NEK11: variants seen among roughly 807,000 people sequenced by gnomAD.
NEK11 encodes the protein serine/threonine-protein kinase Nek11.
A neutral mutation model predicts 80.7 loss-of-function variants in NEK11; 72 were observed. The ratio of observed to expected loss-of-function variants is 0.89; its 90% confidence interval spans 0.74 to 1.08. The LOEUF (loss-of-function observed/expected upper bound fraction) is 1.08, where lower values mean the gene tolerates loss of function less well. Ranked by LOEUF, NEK11 falls within the 50% of genes least tolerant of loss-of-function variation. The probability of loss-of-function intolerance (pLI) is 0.00; values close to 1 mark genes in which losing one functional copy is unlikely to be tolerated. For missense variants in NEK11, 764 were observed against 763.6 expected, an observed-to-expected ratio of 1.00 and a Z score of -0.01; for synonymous variants, 251 against 260.7, an observed-to-expected ratio of 0.96 and a Z score of 0.36.
At chr3:131,062,459 A>G (rs2071058273) in intron 3 of NEK11, among the ~76,000 whole-genome samples, 1 of 152,162 alleles carries the variant, frequency 6.6e-6, no homozygotes, top group African/African-American at 2.4e-5. Flanking sequence ...AATAAAAGAT[A>G]CCCATTTGAA....
intron 17 of NEK11, among the ~76,000 whole-genome samples, chr3:131,348,457 T>C (rs2097399945): frequency 1.3e-5 from 2 of 151,854 alleles, no homozygotes; most frequent in South Asian, 2.1e-4. Flanking sequence ...TGATAAAAGA[T>C]AGGGGAGGTA....
At chr3:131,229,324 G>A (rs536715376) in intron 15 of NEK11, among the ~76,000 whole-genome samples, 1 of 152,268 alleles carries the variant, frequency 6.6e-6, no homozygotes, top group African/African-American at 2.4e-5. Flanking sequence ...TGCTTTCAGT[G>A]TTGAGTGTCT....
intron 3 of NEK11, chr3:131,072,332 G>A (rs539553616): frequency 2.0e-5 from 3 of 152,192 alleles, no homozygotes; most frequent in African/African-American, 7.2e-5. Context: ...TGCAGAGGTG[G>A]ATTAAAGAAG....
At chr3:131,319,036 C>T (rs1189502742) in intron 17 of NEK11, among the ~76,000 whole-genome samples, 1 of 151,772 alleles carries the variant, frequency 6.6e-6, no homozygotes, top group Non-Finnish European at 1.5e-5. Flanking sequence ...TTTTATAACT[C>T]ATATATAATG....
chr3:131,164,532 G>A (rs1052210640), intron 11 of NEK11, among the ~76,000 whole-genome samples: 14 of 152,092 alleles, frequency 9.2e-5, no homozygotes, highest in African/African-American at 3.4e-4. Flanking sequence ...GGGGGTAAAA[G>A]GAAAATTAAA....
At chr3:131,136,855 A>G (rs2085686276) in intron 7 of NEK11, among the ~76,000 whole-genome samples, 1 of 152,238 alleles carries the variant, frequency 6.6e-6, no homozygotes, top group South Asian at 2.1e-4. Flanking sequence ...AGGCCAGCTC[A>G]TTAAATTGAT....
intron 17 of NEK11, among the ~76,000 whole-genome samples, chr3:131,317,224 A>C (rs550394158): frequency 8.1e-4 from 123 of 152,308 alleles, no homozygotes; most frequent in African/African-American, 2.9e-3. Flanking sequence ...TATTATGTGA[A>C]TCAAGGAAAT....
chr3:131,307,394 C>A (rs980356328), intron 17 of NEK11, among the ~76,000 whole-genome samples: 1 of 152,138 alleles, frequency 6.6e-6, no homozygotes, highest in Non-Finnish European at 1.5e-5. Flanking sequence ...TATTTGTTCC[C>A]GAACTCTTTG....
chr3:131,202,934 T>C (rs1246663300), intron 14 of NEK11, among the ~76,000 whole-genome samples: 1 of 152,040 alleles, frequency 6.6e-6, no homozygotes, highest in Non-Finnish European at 1.5e-5. Context: ...AAACAACAGG[T>C]GCTGGAGAGG....
chr3:131,071,432 A>G (rs1156854932), intron 3 of NEK11, among the ~76,000 whole-genome samples: 3 of 151,342 alleles, frequency 2.0e-5, no homozygotes, highest in East Asian at 3.9e-4. Context: ...AAATCTTTAT[A>G]TTTTTTGATT....
intron 17 of NEK11, among the ~76,000 whole-genome samples, chr3:131,335,797 A>C (rs919370505): frequency 1.3e-5 from 2 of 152,254 alleles, no homozygotes; most frequent in Admixed American, 1.3e-4. Context: ...AATGTGCAAA[A>C]ATCACAAGCA....
rs116371843 is a variant in NEK11 at position 131,099,521 on chromosome 3, G to T, written c.337-10282G>T. Among the ~76,000 whole-genome samples the T allele has an allele frequency of 5.3e-3, 805 of 152,114 alleles. 7 individuals carry two copies. Among genetic ancestry groups the T allele is most frequent in the African/African-American group, 0.018 (749 of 41,532 alleles). On this transcript the variant is annotated intron_variant, in intron 4 of 17. Transcript: ENST00000383366. ...CTGTGAAGAATGATGCTGGTAGTTT[G>T]ATAGGAATAGTGTTGAATCTGTAGA... is the stretch of plus-strand genomic sequence containing the variant.
intron 14 of NEK11, among the ~76,000 whole-genome samples, chr3:131,209,066 G>A (rs911965652): frequency 6.6e-6 from 1 of 152,142 alleles, no homozygotes; most frequent in African/African-American, 2.4e-5. Flanking sequence ...AATGCTTTCA[G>A]TTTTTGCCCA....
intron 17 of NEK11, among the ~76,000 whole-genome samples, chr3:131,282,505 A>G (rs1248484530): frequency 1.3e-5 from 2 of 152,188 alleles, no homozygotes; most frequent in Non-Finnish European, 2.9e-5. Flanking sequence ...CATCTGTGTC[A>G]TAGATGCCTG....
At chr3:131,165,628 T>A in intron 12 of NEK11, 109 bp downstream of exon 12, 1 of 670,484 alleles carries the variant, frequency 1.5e-6, no homozygotes, top group Non-Finnish European at 2.6e-6. Context: ...ACATCCAGAT[T>A]AACTTCACCC....
intron 17 of NEK11, among the ~76,000 whole-genome samples, chr3:131,332,445 T>C (rs1249081969): frequency 6.6e-6 from 1 of 151,982 alleles, no homozygotes; most frequent in African/African-American, 2.4e-5. Flanking sequence ...AGAAAGGACA[T>C]CCACACCAAA....
intron 4 of NEK11, among the ~76,000 whole-genome samples, chr3:131,086,856 T>G (rs974284277): frequency 6.6e-6 from 1 of 152,238 alleles, no homozygotes; most frequent in African/African-American, 2.4e-5. Flanking sequence ...TATGATTATT[T>G]TCTCTCAATG....
intron 14 of NEK11, among the ~76,000 whole-genome samples, chr3:131,202,264 C>T (rs529867436): frequency 1.2e-4 from 19 of 152,110 alleles, no homozygotes; most frequent in Middle Eastern, 3.4e-3. Context: ...GTGCAGCCCA[C>T]GGAAGGCAAG....
chr3:131,029,905 T>G, intron 3 of NEK11, 27 bp downstream of exon 3: 1 of 1,606,148 alleles, frequency 6.2e-7, no homozygotes, highest in Non-Finnish European at 8.5e-7. Flanking sequence ...CCTATGAATC[T>G]TGAGTAGGCT....
Sources: gnomAD v4.1 joint callset for allele counts (sites outside exome capture counted in the v4.1 genomes callset) on GRCh38, gnomAD v4.1.1 for gene constraint, MANE v1.5 for transcripts, NCBI Gene and HGNC (gene_info 2026-07-23, HGNC 2026-07-21) for gene names.